PCDH9: variants seen among roughly 807,000 people sequenced by gnomAD.
PCDH9 encodes the protein protocadherin-9.
Under a neutral mutation model 70.6 loss-of-function variants are expected in PCDH9, and 24 were observed. The observed-to-expected ratio is 0.34, with a 90% CI of 0.25 to 0.48. The LOEUF is 0.48. Among genes scored for constraint, PCDH9 ranks in the 20% least tolerant of loss-of-function variants. The probability of loss-of-function intolerance (pLI) is 0.99; values close to 1 mark genes in which losing one functional copy is unlikely to be tolerated. For missense variants in PCDH9, 1,281 were observed against 1,503.6 expected, an observed-to-expected ratio of 0.85 and a Z score of 2.45; for synonymous variants, 562 against 558.5, an observed-to-expected ratio of 1.01 and a Z score of -0.09.
intron 2 of PCDH9, among the ~76,000 whole-genome samples, chr13:67,013,303 A>G (rs1318620953): frequency 4.0e-5 from 6 of 151,030 alleles, no homozygotes; most frequent in Non-Finnish European, 7.4e-5. Context: ...ACACAATCCT[A>G]CACATATTTC....
intron 2 of PCDH9, among the ~76,000 whole-genome samples, chr13:66,931,511 G>A (rs761230502): frequency 2.6e-5 from 4 of 152,098 alleles, no homozygotes; most frequent in Non-Finnish European, 5.9e-5. Context: ...TGTGATTGAT[G>A]TAGGAAAGAA....
chr13:67,102,498 G>T (rs1336865077), intron 2 of PCDH9, among the ~76,000 whole-genome samples: 2 of 151,930 alleles, frequency 1.3e-5, no homozygotes, highest in East Asian at 3.9e-4. Context: ...AAAGTCAAAA[G>T]GTGCTCTAAA....
chr13:66,535,453 G>T (rs753794233), intron 4 of PCDH9, among the ~76,000 whole-genome samples: 15 of 152,066 alleles, frequency 9.9e-5, no homozygotes, highest in African/African-American at 2.2e-4. Flanking sequence ...TAATAGGTTG[G>T]CTGCATTTAC....
At chr13:66,408,078 G>A (rs961263984) in intron 4 of PCDH9, among the ~76,000 whole-genome samples, 13 of 145,414 alleles carry the variant, frequency 8.9e-5, no homozygotes, top group Non-Finnish European at 1.5e-4. Flanking sequence ...TTGAGACGGA[G>A]TCTCGCTCTG....
chr13:67,128,051 T>A (rs905598289), intron 2 of PCDH9, among the ~76,000 whole-genome samples: 6 of 152,150 alleles, frequency 3.9e-5, no homozygotes, highest in African/African-American at 1.4e-4. Flanking sequence ...AGGTGGCAGG[T>A]AATGTGATAC....
chr13:66,830,715 ATATG>A (rs1431957644), intron 3 of PCDH9, among the ~76,000 whole-genome samples: 1 of 152,186 alleles, frequency 6.6e-6, no homozygotes, highest in Non-Finnish European at 1.5e-5. Context: ...TGGCCAACAA[ATATG>A]TAAGTCAACT....
chr13:66,504,997 C>T (rs1233454875), intron 4 of PCDH9, among the ~76,000 whole-genome samples: 3 of 152,242 alleles, frequency 2.0e-5, no homozygotes, highest in East Asian at 3.9e-4. Flanking sequence ...AAATTCACTG[C>T]TACACATCCT....
chr13:66,880,557 A>G (rs988696480), intron 3 of PCDH9, among the ~76,000 whole-genome samples: 3 of 152,176 alleles, frequency 2.0e-5, no homozygotes, highest in African/African-American at 7.2e-5. Flanking sequence ...TAAAGAAAAA[A>G]AATCTGATTT....
At chr13:66,826,966 G>A (rs1323308034) in intron 3 of PCDH9, among the ~76,000 whole-genome samples, 1 of 152,160 alleles carries the variant, frequency 6.6e-6, no homozygotes, top group Admixed American at 6.5e-5. Context: ...TATGACAAAA[G>A]GGACTTTGTA....
At chr13:66,980,718 GT>G (rs1053928621) in intron 2 of PCDH9, among the ~76,000 whole-genome samples, 12 of 32,346 alleles carry the variant, frequency 3.7e-4, no homozygotes, top group African/African-American at 8.6e-4. Flanking sequence ...GTTTTTTCCT[GT>G]TTTTTTCTTT....
intron 4 of PCDH9, among the ~76,000 whole-genome samples, chr13:66,354,865 T>C (rs1956352641): frequency 6.6e-6 from 1 of 152,100 alleles, no homozygotes; most frequent in Non-Finnish European, 1.5e-5. Context: ...GACATTATTA[T>C]CACTTTACCA....
At chr13:66,854,438 A>G (rs375697224) in intron 3 of PCDH9, among the ~76,000 whole-genome samples, 53 of 152,292 alleles carry the variant, frequency 3.5e-4, no homozygotes, top group East Asian at 3.3e-3. Flanking sequence ...GAATGTATAT[A>G]CTTGCTAAAA....
chr13:66,912,662 T>C (rs2082488115), intron 2 of PCDH9, among the ~76,000 whole-genome samples: 1 of 152,010 alleles, frequency 6.6e-6, no homozygotes, highest in Admixed American at 6.6e-5. Context: ...CATAAAATAT[T>C]TCATTTTAAA....
At chr13:67,108,858 A>G (rs1258247425) in intron 2 of PCDH9, among the ~76,000 whole-genome samples, 2 of 152,216 alleles carry the variant, frequency 1.3e-5, no homozygotes, top group Non-Finnish European at 2.9e-5. Flanking sequence ...TAATAATGTT[A>G]GAATAACATT....
At chr13:67,153,449 G>A (rs1266343548) in intron 2 of PCDH9, among the ~76,000 whole-genome samples, 1 of 152,120 alleles carries the variant, frequency 6.6e-6, no homozygotes, top group Non-Finnish European at 1.5e-5. Context: ...GATTATAGGA[G>A]TTGGCCACCA....
intron 4 of PCDH9, among the ~76,000 whole-genome samples, chr13:66,311,825 C>T (rs577555155): frequency 6.6e-6 from 1 of 152,222 alleles, no homozygotes; most frequent in South Asian, 2.1e-4. Context: ...TACAGAAAAC[C>T]AGCCAGAGGG....
intron 4 of PCDH9, among the ~76,000 whole-genome samples, chr13:66,595,017 T>C (rs1479794669): frequency 6.6e-6 from 1 of 150,516 alleles, no homozygotes; most frequent in Non-Finnish European, 1.5e-5. Context: ...CTTAAAATCC[T>C]AAGTCCTTTT....
At chr13:66,846,910 A>ACAC (rs1594141455) in intron 3 of PCDH9, among the ~76,000 whole-genome samples, 5 of 88,560 alleles carry the variant, frequency 5.6e-5, no homozygotes, top group East Asian at 3.8e-4. Flanking sequence ...CACACACACA[A>ACAC]ACACACACAG....
chr13:67,147,848 G>T (rs1252098744), intron 2 of PCDH9, among the ~76,000 whole-genome samples: 1 of 152,082 alleles, frequency 6.6e-6, no homozygotes, highest in Non-Finnish European at 1.5e-5. Flanking sequence ...TTTGTTTTTG[G>T]TATGTGACCT....
Sources: allele counts gnomAD v4.1 joint callset (sites outside exome capture counted in the v4.1 genomes callset), GRCh38; gene constraint gnomAD v4.1.1; transcripts MANE v1.5; gene names NCBI Gene and HGNC (gene_info 2026-07-23, HGNC 2026-07-21).